CUX1: variants seen among roughly 807,000 people sequenced by gnomAD.
CUX1 encodes protein CASP.
A neutral mutation model predicts 158.8 loss-of-function variants in CUX1; 31 were observed. That is an observed-to-expected ratio of 0.20 (90% CI 0.15 to 0.26). CUX1 has a LOEUF of 0.26. Among genes scored for constraint, CUX1 ranks in the 10% least tolerant of loss-of-function variants. CUX1 has a pLI of 1.00. For synonymous variants in CUX1, 879 were observed against 862.1 expected (o/e 1.02, Z -0.34); for missense variants, 1,589 against 2,014.6 (o/e 0.79, Z 4.04).
chr7:101,952,191 TG>T (rs1352608603), intron 2 of CUX1, among the ~76,000 whole-genome samples: 1 of 152,054 alleles, frequency 6.6e-6, no homozygotes, highest in Non-Finnish European at 1.5e-5. Flanking sequence ...AAGACCAGCC[TG>T]GGCAACATAG....
At chr7:101,877,251 C>T (rs549050909) in intron 1 of CUX1, among the ~76,000 whole-genome samples, 2 of 152,336 alleles carry the variant, frequency 1.3e-5, no homozygotes, top group East Asian at 3.8e-4. Context: ...GCCTACCTCC[C>T]CACCCACTGT....
intron 1 of CUX1, among the ~76,000 whole-genome samples, chr7:101,883,891 C>T (rs1032533618): frequency 8.8e-5 from 13 of 147,946 alleles, no homozygotes; most frequent in South Asian, 6.5e-4. Context: ...CCACCATGCC[C>T]GGCCCAAATT....
At position 102,251,298 on chromosome 7, in the gene CUX1, T is replaced by C. The variant is rs1680566906; in HGVS notation, c.*2256T>C. 4 of 985,400 alleles carry C rather than the reference T, an allele frequency of 4.1e-6. No individual in the cohort carries two copies. The highest frequency in any genetic ancestry group is 3.6e-6 in the Non-Finnish European group (3 of 829,932). 61.0% of individuals were successfully genotyped at this position (985,400 alleles called of 1,614,324 possible). A position where few individuals can be genotyped will look rare whatever the true frequency, so the allele number is the denominator to read the frequency against. On this transcript the variant is annotated 3_prime_UTR_variant, in exon 24 of 24. Transcript: ENST00000292535. ...AAAGGTATGCTCTGGCTGTTCCACC[T>C]CCGTGTGCTTGTTAATTAACTTGTA...
intron 14 of CUX1, among the ~76,000 whole-genome samples, chr7:102,272,402 C>T (rs1791282820): frequency 6.6e-6 from 1 of 152,252 alleles, no homozygotes; most frequent in African/African-American, 2.4e-5. Context: ...GGCCACAGTG[C>T]CCCCTGGCGG....
At chr7:102,272,938 T>G (rs1791332558) in intron 14 of CUX1, among the ~76,000 whole-genome samples, 1 of 152,102 alleles carries the variant, frequency 6.6e-6, no homozygotes, top group African/African-American at 2.4e-5. Flanking sequence ...GGCTTCCCAC[T>G]GGACATTATC....
At chr7:102,084,032 C>A (rs1827713783) in intron 4 of CUX1, among the ~76,000 whole-genome samples, 1 of 145,544 alleles carries the variant, frequency 6.9e-6, no homozygotes, top group Non-Finnish European at 1.5e-5. Context: ...ACTACAGGTG[C>A]CTGCCACCAC....
chr7:102,016,085 G>A (rs981056798), intron 2 of CUX1, among the ~76,000 whole-genome samples: 11 of 152,224 alleles, frequency 7.2e-5, no homozygotes, highest in Admixed American at 3.3e-4. Context: ...TAGCTGGGAC[G>A]ACAGGCTCAT....
At chr7:102,273,528 T>TA in intron 15 of CUX1, 9 of 1,580,532 alleles carry the variant, frequency 5.7e-6, no homozygotes, top group Non-Finnish European at 7.8e-6. Flanking sequence ...CCCATCTCGA[T>TA]ACCTGCCCAA....
intron 1 of CUX1, among the ~76,000 whole-genome samples, chr7:101,900,363 C>T (rs530653409): frequency 6.6e-6 from 1 of 152,378 alleles, no homozygotes; most frequent in South Asian, 2.1e-4. Context: ...GCGACGCCCG[C>T]TCTCTCTGCC....
chr7:102,049,854 C>T (rs886861632), intron 3 of CUX1, among the ~76,000 whole-genome samples: 3 of 152,120 alleles, frequency 2.0e-5, no homozygotes, highest in Non-Finnish European at 2.9e-5. Context: ...GAGAGCAAGT[C>T]TGGCCCTGAG....
intron 8 of CUX1, among the ~76,000 whole-genome samples, chr7:102,141,706 T>A (rs181309223): frequency 6.6e-6 from 1 of 151,946 alleles, no homozygotes; most frequent in Non-Finnish European, 1.5e-5. Flanking sequence ...CACTTCAACC[T>A]GTGCCTCCCG....
At chr7:102,282,795 G>GGC in intron 22 of CUX1, 8 of 1,595,502 alleles carry the variant, frequency 5.0e-6, no homozygotes, top group South Asian at 2.2e-5. Context: ...CCCCACTTGG[G>GGC]CCCCCCCTCA....
At chr7:102,208,627 A>C (rs868938909) in intron 20 of CUX1, among the ~76,000 whole-genome samples, 9 of 152,124 alleles carry the variant, frequency 5.9e-5, no homozygotes, top group South Asian at 2.1e-4. Flanking sequence ...AGAGACTAGA[A>C]TCTTCCTTGA....
chr7:101,965,998 C>T (rs1310690292), intron 2 of CUX1, among the ~76,000 whole-genome samples: 1 of 151,844 alleles, frequency 6.6e-6, no homozygotes, highest in Non-Finnish European at 1.5e-5. Flanking sequence ...GAAATTAGAA[C>T]AGTGGGTTTC....
At chr7:102,101,913 A>G (rs1211664084) in intron 5 of CUX1, among the ~76,000 whole-genome samples, 6 of 82,722 alleles carry the variant, frequency 7.3e-5, no homozygotes, top group Admixed American at 4.2e-4. Flanking sequence ...ATCTGTCTCA[A>G]TAAAAAAAAA....
chr7:101,946,668 G>C (rs1174637077), intron 2 of CUX1, among the ~76,000 whole-genome samples: 1 of 152,118 alleles, frequency 6.6e-6, no homozygotes, highest in Non-Finnish European at 1.5e-5. Context: ...GCTGGTGGAG[G>C]GGGGCAGAGG....
chr7:101,981,900 G>A (rs918448282), intron 2 of CUX1, among the ~76,000 whole-genome samples: 8 of 152,154 alleles, frequency 5.3e-5, no homozygotes, highest in African/African-American at 2.4e-5. Context: ...GTGAGCCACC[G>A]CACCTGGCCA....
chr7:102,064,340 G>T (rs1053777519), intron 3 of CUX1, among the ~76,000 whole-genome samples: 1 of 152,142 alleles, frequency 6.6e-6, no homozygotes, highest in African/African-American at 2.4e-5. Context: ...ATGAGCAACG[G>T]TGCCGGCTCT....
At chr7:102,077,535 A>T (rs940325180) in intron 4 of CUX1, among the ~76,000 whole-genome samples, 2 of 150,728 alleles carry the variant, frequency 1.3e-5, no homozygotes, top group African/African-American at 2.4e-5. Context: ...CTTTAAAAAA[A>T]AAAAAAAAAA....
Sources: allele counts gnomAD v4.1 joint callset (sites outside exome capture counted in the v4.1 genomes callset), GRCh38; gene constraint gnomAD v4.1.1; transcripts MANE v1.5; gene names NCBI Gene and HGNC (gene_info 2026-07-23, HGNC 2026-07-21).